Variants in TUSC3 observed in about 807,000 individuals in gnomAD.
TUSC3 encodes tumor suppressor candidate 3, also known as dolichyl-diphosphooligosaccharide--protein glycosyltransferase subunit TUSC3.
A neutral mutation model predicts 44.8 loss-of-function variants in TUSC3; 45 were observed. That is an observed-to-expected ratio of 1.00 (90% CI 0.79 to 1.29). The LOEUF is 1.29. Among genes scored for constraint, TUSC3 ranks in the 50% most tolerant of loss-of-function variants. TUSC3 has a pLI of 0.00. For missense variants in TUSC3, 519 were observed against 437.9 expected (o/e 1.19, Z -1.65); for synonymous variants, 212 against 152.9 (o/e 1.39, Z -2.85).
chr8:15,560,236 A>C (rs1481378582), intron 1 of TUSC3, among the ~76,000 whole-genome samples: 2 of 147,316 alleles, frequency 1.4e-5, no homozygotes, highest in South Asian at 2.3e-4. Context: ...TTGTCTGTTA[A>C]GTATTTTATT....
chr8:15,751,435 C>T (rs569263513), intron 9 of TUSC3, among the ~76,000 whole-genome samples: 13 of 152,208 alleles, frequency 8.5e-5, no homozygotes, highest in Admixed American at 4.6e-4. Flanking sequence ...CTGATTAGAG[C>T]CTTCTATGTC....
chr8:15,689,860 G>A (rs374960354), intron 6 of TUSC3, among the ~76,000 whole-genome samples: 61 of 41,032 alleles, frequency 1.5e-3, no homozygotes, highest in African/African-American at 4.8e-3. Context: ...GTGTGTGTGT[G>A]TGTATAAATA....
chr8:15,660,917 A>C (rs941492364), intron 4 of TUSC3, among the ~76,000 whole-genome samples: 1 of 151,446 alleles, frequency 6.6e-6, no homozygotes, highest in African/African-American at 2.4e-5. Flanking sequence ...AAAAAAAAAA[A>C]AAAACCCATA....
At chr8:15,565,901 A>C (rs1802650827) in intron 1 of TUSC3, among the ~76,000 whole-genome samples, 1 of 152,168 alleles carries the variant, frequency 6.6e-6, no homozygotes, top group South Asian at 2.1e-4. Flanking sequence ...GATGTAAGCC[A>C]CTAAAATTTT....
At chr8:15,520,330 C>T (rs565866390) in intron 2 of TUSC3, among the ~76,000 whole-genome samples, 1 of 152,178 alleles carries the variant, frequency 6.6e-6, no homozygotes, top group East Asian at 1.9e-4. Context: ...ATTTTCCTTC[C>T]AGCTGTGCTA....
intron 5 of TUSC3, among the ~76,000 whole-genome samples, chr8:15,662,887 A>G (rs1396717816): frequency 2.0e-5 from 3 of 152,076 alleles, no homozygotes; most frequent in East Asian, 3.9e-4. Context: ...AGCTTCCCAG[A>G]TTGTGACATG....
chr8:15,453,520 A>G (rs79011590), intron 1 of TUSC3, among the ~76,000 whole-genome samples: 1,614 of 152,326 alleles, frequency 0.011, 31 homozygotes, highest in African/African-American at 0.036. Context: ...TGCAACTGCT[A>G]TGAAGCATTT....
intron 1 of TUSC3, among the ~76,000 whole-genome samples, chr8:15,589,677 C>T (rs910629710): frequency 1.3e-5 from 2 of 151,688 alleles, no homozygotes; most frequent in Admixed American, 1.3e-4. Context: ...AACATCTTTA[C>T]AGTATAAAGA....
chr8:15,710,775 TGA>T (rs1206417491), intron 6 of TUSC3, among the ~76,000 whole-genome samples: 2 of 149,776 alleles, frequency 1.3e-5, no homozygotes, highest in African/African-American at 4.9e-5. Flanking sequence ...GTAATTTGCA[TGA>T]AGTGAATATA....
chr8:15,538,916 C>G (rs531665611), upstream of TUSC3, among the ~76,000 whole-genome samples: 1 of 151,758 alleles, frequency 6.6e-6, no homozygotes, highest in Non-Finnish European at 1.5e-5. Context: ...GTAGCATGAT[C>G]GGAACTCACT....
chr8:15,680,216 G>T (rs1042154942), intron 6 of TUSC3, among the ~76,000 whole-genome samples: 16 of 152,002 alleles, frequency 1.1e-4, no homozygotes, highest in Non-Finnish European at 2.2e-4. Flanking sequence ...CAATCCATGA[G>T]CATGGGTTGG....
At chr8:15,473,539 C>T (rs987117945) in intron 1 of TUSC3, among the ~76,000 whole-genome samples, 1 of 152,186 alleles carries the variant, frequency 6.6e-6, no homozygotes, top group African/African-American at 2.4e-5. Flanking sequence ...AACGTAGGTT[C>T]TATTTTCCAT....
chr8:15,425,332 A>G (rs1254314319), intron 1 of TUSC3, among the ~76,000 whole-genome samples: 1 of 152,226 alleles, frequency 6.6e-6, no homozygotes, highest in East Asian at 1.9e-4. Flanking sequence ...TTCGCCCTTA[A>G]GAATGCTTTG....
chr8:15,453,190 T>C (rs1585051239), intron 1 of TUSC3, among the ~76,000 whole-genome samples: 1 of 152,180 alleles, frequency 6.6e-6, no homozygotes, highest in East Asian at 1.9e-4. Flanking sequence ...ACTGGGAGTG[T>C]TTCTGAAGAA....
intron 2 of TUSC3, among the ~76,000 whole-genome samples, chr8:15,492,817 A>T (rs1192956098): frequency 2.0e-5 from 3 of 152,144 alleles, no homozygotes; most frequent in Non-Finnish European, 4.4e-5. Flanking sequence ...GTCATTTAAC[A>T]ATATCCATAT....
At chr8:15,481,829 C>G (rs991499216) in intron 1 of TUSC3, among the ~76,000 whole-genome samples, 48 of 152,262 alleles carry the variant, frequency 3.2e-4, no homozygotes, top group Admixed American at 1.0e-3. Context: ...TGGATGCTGA[C>G]TGATCAGGGT....
downstream of TUSC3, among the ~76,000 whole-genome samples, chr8:15,770,470 T>C (rs967508863): frequency 6.6e-6 from 1 of 152,080 alleles, no homozygotes; most frequent in Non-Finnish European, 1.5e-5. Flanking sequence ...GATGGGTTGA[T>C]GGATGCAGCA....
At chr8:15,816,856 A>G in the TUSC3 span, among the ~76,000 whole-genome samples, 1 of 152,226 alleles carries the variant, frequency 6.6e-6, no homozygotes, top group South Asian at 2.1e-4. Context: ...TGATAGCAGC[A>G]TTGGAGTTCA....
chr8:15,455,450 TATGTATACACACC>T (rs1800242925), intron 1 of TUSC3, among the ~76,000 whole-genome samples: 4 of 44,158 alleles, frequency 9.1e-5, no homozygotes, highest in Non-Finnish European at 2.2e-4. Flanking sequence ...TATACACACC[TATGTATACACACC>T]TATGTATACA....
Sources: gnomAD v4.1 joint callset for allele counts (sites outside exome capture counted in the v4.1 genomes callset) on GRCh38, gnomAD v4.1.1 for gene constraint, MANE v1.5 for transcripts, NCBI Gene and HGNC (gene_info 2026-07-23, HGNC 2026-07-21) for gene names.